Variants in KIF26B observed in about 807,000 individuals in gnomAD.
The protein encoded by KIF26B is kinesin-like protein KIF26B.
Under a neutral mutation model 151.2 loss-of-function variants are expected in KIF26B, and 63 were observed. The ratio of observed to expected loss-of-function variants is 0.42; its 90% CI spans 0.34 to 0.51. The LOEUF (loss-of-function observed/expected upper bound fraction) is 0.51. Ranked by LOEUF, KIF26B falls within the 20% of genes least tolerant of loss-of-function variation. The pLI, the probability that KIF26B is intolerant of heterozygous loss-of-function variation, is 0.07. For missense variants in KIF26B, 2,813 were observed against 2,913.6 expected, an observed-to-expected ratio of 0.97 and a Z score of 0.79; for synonymous variants, 1,357 against 1,262.1, an observed-to-expected ratio of 1.08 and a Z score of -1.59.
chr1:245,702,389 CT>C lies in KIF26B; in HGVS notation c.6179-68del. 9.5e-6 allele frequency: 15 copies of C among 1,573,712 alleles called. No individual in the cohort carries two copies. The highest frequency in any genetic ancestry group is 1.2e-5 in the Non-Finnish European group (14 of 1,149,880). ...TAGATGTGGGGGTGGCAGCTCCAGGCTGAGCCGTCGGGAGTTGCTTCTCACC... is the reference window on the plus strand; with the variant it reads ...TAGATGTGGGGGTGGCAGCTCCAGGCGAGCCGTCGGGAGTTGCTTCTCACC... On this transcript the variant is annotated intron_variant, in intron 14 of 14. Coordinates refer to ENST00000407071, the MANE Select transcript of KIF26B (RefSeq NM_018012.4). This position sits in a 1 kb window ranked among gnomAD's most constrained non-coding sequence, Gnocchi z 4.1.
intron 5 of KIF26B, among the ~76,000 whole-genome samples, chr1:245,589,017 G>A (rs2043257833): frequency 6.6e-6 from 1 of 152,170 alleles, no homozygotes; most frequent in Non-Finnish European, 1.5e-5. Context: ...TTTAGTGTGG[G>A]GAAGTTACGA....
intron 4 of KIF26B, among the ~76,000 whole-genome samples, chr1:245,424,867 G>A (rs551962946): frequency 1.3e-3 from 196 of 152,262 alleles, no homozygotes; most frequent in Non-Finnish European, 6.6e-4. Flanking sequence ...TTCCTCTCAC[G>A]ATTGTCTTTA....
chr1:245,253,800 CTTTTTTTTTT>C lies in KIF26B; in HGVS notation c.465+97135_465+97144del, dbSNP rs5782330. Reference sequence around the variant, plus strand: ...CCTGTCTATAGACTTTGAAGTCCTGCTTTTTTTTTTTTTTTTTTTTTTTTTTTGAAACAGA... The same window carrying C: ...CCTGTCTATAGACTTTGAAGTCCTGCTTTTTTTTTTTTTTTTTGAAACAGA... On this transcript the variant is annotated intron_variant, in intron 2 of 14. Coordinates refer to ENST00000407071, the MANE Select transcript of KIF26B (RefSeq NM_018012.4). Among the ~76,000 whole-genome samples the C allele has an allele frequency of 8.4e-3, 607 of 72,228 alleles. 8 individuals are homozygous for C. In the East Asian group the frequency reaches 0.13, roughly 16 times the overall value. 47.4% of individuals were successfully genotyped at this position (72,228 alleles called of 152,430 possible). A position where few individuals can be genotyped will look rare whatever the true frequency, so the allele number is the denominator to read the frequency against.
At chr1:245,322,137 C>G (rs1469435769) in intron 2 of KIF26B, among the ~76,000 whole-genome samples, 1 of 152,170 alleles carries the variant, frequency 6.6e-6, no homozygotes, top group Non-Finnish European at 1.5e-5. Context: ...AAACCAAACA[C>G]CGCATGTTCT....
At chr1:245,165,255 C>T (rs1452268569) in intron 2 of KIF26B, among the ~76,000 whole-genome samples, 2 of 152,020 alleles carry the variant, frequency 1.3e-5, no homozygotes, top group South Asian at 2.1e-4. Flanking sequence ...GTAGAAAACC[C>T]GCCATGGGGA....
At chr1:245,421,433 G>A (rs1403531763) in intron 4 of KIF26B, among the ~76,000 whole-genome samples, 2 of 152,190 alleles carry the variant, frequency 1.3e-5, no homozygotes, top group South Asian at 2.1e-4. Context: ...GGAGGAGACG[G>A]ACCTCCCAGC....
chr1:245,306,491 C>T (rs1671541496), intron 2 of KIF26B, among the ~76,000 whole-genome samples: 1 of 152,044 alleles, frequency 6.6e-6, no homozygotes, highest in South Asian at 2.1e-4. Flanking sequence ...TAGAATTGTA[C>T]AATATAAATG....
intron 2 of KIF26B, among the ~76,000 whole-genome samples, chr1:245,247,803 A>G (rs116518798): frequency 0.012 from 1,857 of 152,304 alleles, 37 homozygotes; most frequent in African/African-American, 0.042. Flanking sequence ...AGAAGAGGGA[A>G]CAGAGAGGAG....
intron 4 of KIF26B, among the ~76,000 whole-genome samples, chr1:245,468,726 T>C (rs1337872588): frequency 6.6e-6 from 1 of 152,036 alleles, no homozygotes; most frequent in African/African-American, 2.4e-5. Context: ...GTTATTGAAT[T>C]GAGTGACATT....
chr1:245,333,755 C>T (rs946483950), intron 2 of KIF26B, among the ~76,000 whole-genome samples: 17 of 152,134 alleles, frequency 1.1e-4, no homozygotes, highest in Non-Finnish European at 1.8e-4. Flanking sequence ...CCCAGCACTT[C>T]GGGAGGCCGA....
intron 5 of KIF26B, among the ~76,000 whole-genome samples, chr1:245,579,761 T>A (rs927725401): frequency 6.6e-6 from 1 of 151,160 alleles, no homozygotes; most frequent in East Asian, 2.0e-4. Context: ...GGCAGGAGAA[T>A]CACTTGAACC....
At chr1:245,265,979 T>TA (rs1334131085) in intron 2 of KIF26B, among the ~76,000 whole-genome samples, 11 of 152,122 alleles carry the variant, frequency 7.2e-5, no homozygotes, top group Non-Finnish European at 1.5e-4. Context: ...TTGACTGTAT[T>TA]AAACAAAGAA....
rs1431627730 is a variant in KIF26B at position 245,602,654 on chromosome 1, A to T, written c.1428A>T (p.Pro476=). ...SESSSFLKVD[P]RKKQITLYDP... is the part of the protein sequence containing the mutation. Reference sequence around the variant, plus strand: ...CCAGCTCTTTCTTAAAGGTGGACCCACGGAAGAAGCAGATCACCTTGTACG... The same window carrying T: ...CCAGCTCTTTCTTAAAGGTGGACCCTCGGAAGAAGCAGATCACCTTGTACG... Residue 476 remains proline, a synonymous_variant, in exon 6 of 15, where the codon CCA becomes CCT. Coordinates refer to ENST00000407071, the MANE Select transcript of KIF26B (RefSeq NM_018012.4). This position sits in a 1 kb window ranked among gnomAD's most constrained non-coding sequence, Gnocchi z 4.5. The T allele has an allele frequency of 8.1e-6, 13 of 1,613,930 alleles. No individual in the cohort carries two copies. The African/African-American group carries it at 1.6e-4, about 20-fold the overall frequency.
At chr1:245,254,102 A>G (rs568993561) in intron 2 of KIF26B, among the ~76,000 whole-genome samples, 16 of 152,166 alleles carry the variant, frequency 1.1e-4, no homozygotes, top group East Asian at 5.8e-4. Context: ...GAGCCACTGC[A>G]CCCAGCTGAA....
intron 4 of KIF26B, among the ~76,000 whole-genome samples, chr1:245,435,083 CCATCCA>C: frequency 6.6e-6 from 1 of 151,152 alleles, no homozygotes; most frequent in Non-Finnish European, 1.5e-5. Context: ...ATCCATCCAT[CCATCCA>C]TCCATCTCTC....
At chr1:245,422,917 G>A (rs1214084186) in intron 4 of KIF26B, among the ~76,000 whole-genome samples, 21 of 152,020 alleles carry the variant, frequency 1.4e-4, no homozygotes, top group Non-Finnish European at 1.5e-5. Context: ...TGGCCAACAT[G>A]GTGAGACCCC....
At chr1:245,611,770 A>G (rs1294832846) in intron 8 of KIF26B, 23 bp from the exon 9 acceptor site, 1 of 1,609,860 alleles carries the variant, frequency 6.2e-7, no homozygotes, top group Admixed American at 1.7e-5. Context: ...CTGCAGCCTC[A>G]TCTCTTGGCT....
At chr1:245,581,843 G>A (rs2043177092) in intron 5 of KIF26B, among the ~76,000 whole-genome samples, 1 of 151,990 alleles carries the variant, frequency 6.6e-6, no homozygotes, top group South Asian at 2.1e-4. Flanking sequence ...CTTGAGCCCA[G>A]AAGGCCGAGG....
At chr1:245,521,193 C>T (rs1339995404) in intron 4 of KIF26B, among the ~76,000 whole-genome samples, 2 of 151,992 alleles carry the variant, frequency 1.3e-5, no homozygotes, top group Non-Finnish European at 2.9e-5. Context: ...AAAAATTAGC[C>T]AGGTGTGGTG....
Sources: allele counts gnomAD v4.1 joint callset (sites outside exome capture counted in the v4.1 genomes callset), GRCh38; gene constraint gnomAD v4.1.1; non-coding constraint Gnocchi (gnomAD v3.1); transcripts MANE v1.5; gene names NCBI Gene and HGNC (gene_info 2026-07-23, HGNC 2026-07-21).